The following MND1 variants were observed in gnomAD, a reference collection of about 807,000 sequenced individuals.
MND1 encodes meiotic nuclear divisions 1, also known as meiotic nuclear division protein 1 homolog.
MND1 carries 28 observed loss-of-function variants against 35.1 expected under a neutral mutation model. That is an observed-to-expected ratio of 0.80 (90% CI 0.59 to 1.09). The LOEUF (loss-of-function observed/expected upper bound fraction) is 1.09, where lower values mean the gene tolerates loss of function less well. Ranked by LOEUF, MND1 falls within the 50% of genes least tolerant of loss-of-function variation. The probability of loss-of-function intolerance (pLI) is 0.00; values close to 1 mark genes in which losing one functional copy is unlikely to be tolerated. For missense variants in MND1, 213 were observed against 239.6 expected, an observed-to-expected ratio of 0.89 and a Z score of 0.73; for synonymous variants, 69 against 70.5, an observed-to-expected ratio of 0.98 and a Z score of 0.11.
chr4:153,387,982 C>T (rs1021061239), intron 4 of MND1, among the ~76,000 whole-genome samples: 18 of 151,944 alleles, frequency 1.2e-4, no homozygotes, highest in East Asian at 1.9e-4. Context: ...CTTAATGCTT[C>T]GACATTTTTT....
At chr4:153,398,749 A>C (rs1418934912) in intron 6 of MND1, among the ~76,000 whole-genome samples, 5 of 152,348 alleles carry the variant, frequency 3.3e-5, no homozygotes, top group African/African-American at 1.2e-4. Flanking sequence ...AGAAAGTGCT[A>C]ATCAAATCTA....
intron 4 of MND1, among the ~76,000 whole-genome samples, chr4:153,366,347 C>T (rs73854675): frequency 0.015 from 2,230 of 152,234 alleles, 47 homozygotes; most frequent in African/African-American, 0.05. Context: ...CTTTGGGGGA[C>T]ATTATTTAAC....
chr4:153,373,768 G>A lies in MND1; in HGVS notation c.276+15146G>A, dbSNP rs537189664. Among the ~76,000 whole-genome samples, 21 of 152,238 alleles carry A rather than the reference G, an allele frequency of 1.4e-4. 1 individual carries two copies. In the South Asian group the frequency reaches 3.5e-3, roughly 26 times the overall value. ...TAAATGAAGAGCAAGGTTTTGATAC[G>A]TCATTTCTAAAAGGTTGATAGCCCT... On this transcript the variant is annotated intron_variant, in intron 4 of 7. Coordinates refer to ENST00000240488, the MANE Select transcript of MND1 (RefSeq NM_032117.4).
chr4:153,352,468 TG>T (rs1258371714), intron 2 of MND1, among the ~76,000 whole-genome samples: 1 of 152,218 alleles, frequency 6.6e-6, no homozygotes, highest in Admixed American at 6.5e-5. Context: ...TCTCTATGTC[TG>T]TTTCTTCATC....
intron 2 of MND1, among the ~76,000 whole-genome samples, chr4:153,353,118 TAA>T (rs1366680738): frequency 6.6e-6 from 1 of 152,110 alleles, no homozygotes; most frequent in African/African-American, 2.4e-5. Context: ...TCTAATGCAT[TAA>T]AGACTTAAAG....
chr4:153,404,644 T>C (rs558201636), intron 6 of MND1, among the ~76,000 whole-genome samples: 217 of 151,860 alleles, frequency 1.4e-3, no homozygotes, highest in Non-Finnish European at 2.2e-3. Flanking sequence ...CTGGCTAATT[T>C]TTTTTTGCAT....
intron 4 of MND1, among the ~76,000 whole-genome samples, chr4:153,359,429 T>C (rs1315900795): frequency 1.3e-5 from 2 of 152,250 alleles, no homozygotes; most frequent in African/African-American, 4.8e-5. Flanking sequence ...TGTTTATCCA[T>C]TGAGCTATTG....
At chr4:153,403,829 G>A (rs1231260854) in intron 6 of MND1, among the ~76,000 whole-genome samples, 1 of 151,920 alleles carries the variant, frequency 6.6e-6, no homozygotes, top group Non-Finnish European at 1.5e-5. Context: ...GCAGTGGCAT[G>A]ATCATGACTC....
chr4:153,385,228 G>C (rs1484689139), intron 4 of MND1, among the ~76,000 whole-genome samples: 1 of 152,238 alleles, frequency 6.6e-6, no homozygotes, highest in East Asian at 1.9e-4. Flanking sequence ...CAAAATAGAG[G>C]AATAGGATGT....
chr4:153,369,591 A>G (rs888123504), intron 4 of MND1, among the ~76,000 whole-genome samples: 13 of 152,254 alleles, frequency 8.5e-5, no homozygotes, highest in African/African-American at 3.1e-4. Context: ...TTTATTGCTA[A>G]AAAATGCTGA....
chr4:153,386,184 TG>T (rs1728854510), intron 4 of MND1, among the ~76,000 whole-genome samples: 1 of 151,942 alleles, frequency 6.6e-6, no homozygotes, highest in African/African-American at 2.4e-5. Context: ...TTTTGTTTTT[TG>T]TTTTTGTTTT....
chr4:153,389,123 C>T (rs186370565), intron 4 of MND1, among the ~76,000 whole-genome samples: 53 of 152,262 alleles, frequency 3.5e-4, no homozygotes, highest in African/African-American at 1.1e-3. Context: ...GTGAAGCGTG[C>T]GGATCAGAGG....
intron 4 of MND1, among the ~76,000 whole-genome samples, chr4:153,393,169 G>C (rs1300950692): frequency 6.6e-6 from 1 of 151,932 alleles, no homozygotes; most frequent in Non-Finnish European, 1.5e-5. Flanking sequence ...TTGGCAACAG[G>C]CTAACATTTT....
chr4:153,408,914 A>ATATATATATATAAATACATTTCATTT, intron 6 of MND1, 57 bp from the exon 7 acceptor site: 13 of 228,858 alleles, frequency 5.7e-5, no homozygotes, highest in Middle Eastern at 1.7e-3. Flanking sequence ...TTTTGTGTGT[A>ATATATATATATAAATACATTTCATTT]TATATATATA....
chr4:153,345,161 A>AC (rs1165846647), intron 1 of MND1, among the ~76,000 whole-genome samples: 38 of 145,498 alleles, frequency 2.6e-4, no homozygotes, highest in African/African-American at 9.1e-4. Flanking sequence ...CGCGTGGTGT[A>AC]GCCCCCCCCA....
At chr4:153,397,935 G>C (rs536836298) in intron 6 of MND1, among the ~76,000 whole-genome samples, 3 of 151,062 alleles carry the variant, frequency 2.0e-5, no homozygotes, top group Admixed American at 6.6e-5. Flanking sequence ...TAAAATATAA[G>C]GTTAGAGAAC....
intron 4 of MND1, among the ~76,000 whole-genome samples, chr4:153,387,793 T>A (rs1728909636): frequency 6.6e-6 from 1 of 151,624 alleles, no homozygotes; most frequent in Non-Finnish European, 1.5e-5. Context: ...ATAAATAAAT[T>A]GTATGGCTTT....
intron 4 of MND1, among the ~76,000 whole-genome samples, chr4:153,367,861 G>C (rs1399754641): frequency 6.6e-6 from 1 of 152,120 alleles, no homozygotes; most frequent in Non-Finnish European, 1.5e-5. Context: ...TTGAATTTTT[G>C]ATTCTAGCCA....
intron 2 of MND1, among the ~76,000 whole-genome samples, chr4:153,350,558 A>C (rs1245398351): frequency 6.6e-6 from 1 of 152,182 alleles, no homozygotes; most frequent in African/African-American, 2.4e-5. Context: ...TTTGCATTTT[A>C]AGTCTGTCTA....
Sources: allele counts gnomAD v4.1 joint callset (sites outside exome capture counted in the v4.1 genomes callset), GRCh38; gene constraint gnomAD v4.1.1; transcripts MANE v1.5; gene names NCBI Gene and HGNC (gene_info 2026-07-23, HGNC 2026-07-21).